The following DOCK5 variants were observed in gnomAD, a reference collection of about 807,000 sequenced individuals.
DOCK5 encodes dedicator of cytokinesis 5, also known as dedicator of cytokinesis protein 5.
DOCK5 carries 142 observed loss-of-function variants against 251.8 expected under a neutral mutation model. The observed-to-expected ratio is 0.56, with a 90% CI of 0.49 to 0.65. DOCK5 has a LOEUF of 0.65. Among genes scored for constraint, DOCK5 ranks in the 30% least tolerant of loss-of-function variants. The probability of loss-of-function intolerance (pLI) is 0.00; values close to 1 mark genes in which losing one functional copy is unlikely to be tolerated. For synonymous variants in DOCK5, 842 were observed against 835.5 expected, an observed-to-expected ratio of 1.01 and a Z score of -0.13; for missense variants, 2,111 against 2,312.3, an observed-to-expected ratio of 0.91 and a Z score of 1.79.
At chr8:25,299,406 G>A (rs988546033) in intron 8 of DOCK5, 3 of 273,134 alleles carry the variant, frequency 1.1e-5, no homozygotes, top group South Asian at 8.0e-5. Context: ...AATAGGCAGA[G>A]CACAGAGGAT....
At chr8:25,191,249 A>T (rs376135794) in intron 1 of DOCK5, among the ~76,000 whole-genome samples, 26 of 152,136 alleles carry the variant, frequency 1.7e-4, no homozygotes, top group Middle Eastern at 3.4e-3. Flanking sequence ...TTCTCTCGTT[A>T]GTGGAGTTTT....
intron 8 of DOCK5, chr8:25,299,394 T>A: frequency 3.3e-6 from 1 of 304,992 alleles, no homozygotes; most frequent in Non-Finnish European, 6.0e-6. Flanking sequence ...GAGAAAGGGA[T>A]GAATAGGCAG....
chr8:25,187,200 C>CA lies in DOCK5; in HGVS notation c.43+2259dup, dbSNP rs1232606220. Among the ~76,000 whole-genome samples the CA allele has an allele frequency of 8.9e-3, 1,207 of 135,960 alleles. 27 individuals carry two copies. Among genetic ancestry groups the CA allele is most frequent in the African/African-American group, 0.031 (1,118 of 36,604 alleles). 89.2% of individuals were successfully genotyped at this position (135,960 alleles called of 152,430 possible). A position where few individuals can be genotyped will look rare whatever the true frequency, so the allele number is the denominator to read the frequency against. Reference sequence around the variant, plus strand: ...TGGGTGATACTGTGAGACCCGATCTCAAAAAAAAAACTATATATACATATA... The same window carrying CA: ...TGGGTGATACTGTGAGACCCGATCTCAAAAAAAAAAACTATATATACATATA... On this transcript the variant is annotated intron_variant, in intron 1 of 51. Coordinates refer to ENST00000276440, the MANE Select transcript of DOCK5 (RefSeq NM_024940.8).
In DOCK5 at chr8:25,304,467, T is replaced by A. The variant is rs1804849934; in HGVS notation, c.1049+140T>A. 4.4e-6 allele frequency: 3 copies of A among 684,388 alleles called. No individual in the cohort carries two copies. The African/African-American group carries it at 5.6e-5, about 13-fold the overall frequency. 42.4% of individuals were successfully genotyped at this position (684,388 alleles called of 1,614,324 possible). A position where few individuals can be genotyped will look rare whatever the true frequency, so the allele number is the denominator to read the frequency against. Reference sequence around the variant, plus strand: ...AGCTGCAAGATTGTCAGATAGGAGCTGAACAGAAGACTTTATTCAAAGTCC... The same window carrying A: ...AGCTGCAAGATTGTCAGATAGGAGCAGAACAGAAGACTTTATTCAAAGTCC... On this transcript the variant is annotated intron_variant, in intron 11 of 51. Coordinates refer to ENST00000276440, the MANE Select transcript of DOCK5 (RefSeq NM_024940.8).
chr8:25,345,920 G>A (rs1430548441), intron 26 of DOCK5, among the ~76,000 whole-genome samples: 1 of 152,028 alleles, frequency 6.6e-6, no homozygotes, highest in Non-Finnish European at 1.5e-5. Context: ...CGCGATCTCG[G>A]CTCACTGCAA....
At chr8:25,195,530 C>T (rs1801701923) in intron 1 of DOCK5, among the ~76,000 whole-genome samples, 1 of 152,202 alleles carries the variant, frequency 6.6e-6, no homozygotes, top group Admixed American at 6.5e-5. Context: ...TCCCTCTTTC[C>T]CTTCTGCATT....
intron 22 of DOCK5, among the ~76,000 whole-genome samples, chr8:25,339,944 G>C (rs1282696859): frequency 1.3e-5 from 2 of 152,214 alleles, no homozygotes; most frequent in African/African-American, 4.8e-5. Flanking sequence ...TTAAATGTGA[G>C]ATACTCCAGC....
intron 2 of DOCK5, among the ~76,000 whole-genome samples, chr8:25,262,898 C>G (rs1803632500): frequency 6.7e-6 from 1 of 149,462 alleles, no homozygotes; most frequent in African/African-American, 2.6e-5. Context: ...CAGCTCACTG[C>G]AACCCCCACC....
intron 1 of DOCK5, among the ~76,000 whole-genome samples, chr8:25,189,133 A>G (rs556966198): frequency 7.5e-5 from 11 of 147,196 alleles, no homozygotes; most frequent in African/African-American, 2.8e-4. Flanking sequence ...GCAACCTGCC[A>G]TCTCAGCCTT....
At position 25,375,123 on chromosome 8, in the gene DOCK5, TTG is replaced by T. The variant is rs1238385595; in HGVS notation, c.3816+470_3816+471del. 11 of 486,754 alleles carry T rather than the reference TTG, an allele frequency of 2.3e-5. 1 individual carries two copies. The highest frequency in any genetic ancestry group is 1.7e-4 in the African/African-American group (8 of 47,250). The allele number at this position is 486,754 out of a possible 1,614,324, so 30.2% of individuals were successfully genotyped here. A position where few individuals can be genotyped will look rare whatever the true frequency, so the allele number is the denominator to read the frequency against. On this transcript the variant is annotated intron_variant, in intron 37 of 51. Transcript: ENST00000276440. ...CTAGCCCTGAGCACCTTCTCTAACT[TTG>T]GATTTACATATAAACTTTGATTGGC...
At chr8:25,401,895 A>T (rs1202941525) in intron 47 of DOCK5, among the ~76,000 whole-genome samples, 1 of 152,216 alleles carries the variant, frequency 6.6e-6, no homozygotes, top group East Asian at 1.9e-4. Flanking sequence ...TGAAGGGAAG[A>T]AGGAATTGTG....
At chr8:25,322,533 TATC>T (rs1454890275) in intron 16 of DOCK5, among the ~76,000 whole-genome samples, 1 of 152,210 alleles carries the variant, frequency 6.6e-6, no homozygotes, top group African/African-American at 2.4e-5. Context: ...AATGGCCAAA[TATC>T]AGCCATTTCA....
chr8:25,261,845 A>T (rs1021040418), intron 2 of DOCK5, among the ~76,000 whole-genome samples: 1 of 152,192 alleles, frequency 6.6e-6, no homozygotes, highest in Non-Finnish European at 1.5e-5. Flanking sequence ...ACTTCATATC[A>T]GTGGAATTAG....
At chr8:25,245,063 T>A (rs1803063158) in intron 2 of DOCK5, among the ~76,000 whole-genome samples, 1 of 152,210 alleles carries the variant, frequency 6.6e-6, no homozygotes, top group Non-Finnish European at 1.5e-5. Context: ...TTTATTTATT[T>A]ATTTATTTTT....
chr8:25,264,275 A>G (rs545410567), intron 2 of DOCK5, among the ~76,000 whole-genome samples: 1 of 151,528 alleles, frequency 6.6e-6, no homozygotes, highest in Admixed American at 6.6e-5. Flanking sequence ...TTGGGTGCTG[A>G]GGTGGGATCC....
At chr8:25,377,491 T>G in intron 38 of DOCK5, 67 bp downstream of exon 38, 1 of 1,536,004 alleles carries the variant, frequency 6.5e-7, no homozygotes, top group South Asian at 1.2e-5. Context: ...AATACAATTC[T>G]GATGCTCACC....
chr8:25,388,588 C>T (rs1012524089), intron 40 of DOCK5, among the ~76,000 whole-genome samples: 2 of 152,196 alleles, frequency 1.3e-5, no homozygotes, highest in African/African-American at 4.8e-5. Context: ...TGTTTCTGTG[C>T]CAGAAGACAC....
chr8:25,411,138 C>T, intron 51 of DOCK5, 56 bp from the exon 52 acceptor site: 1 of 1,450,106 alleles, frequency 6.9e-7, no homozygotes, highest in Non-Finnish European at 9.1e-7. Context: ...GAGGAGAAGG[C>T]AGAATTGGGA....
At chr8:25,331,083 C>T (rs1244332999) in intron 18 of DOCK5, among the ~76,000 whole-genome samples, 2 of 151,774 alleles carry the variant, frequency 1.3e-5, no homozygotes, top group Non-Finnish European at 2.9e-5. Flanking sequence ...CACCCCAGCC[C>T]GGGTGACAGA....
Sources: gnomAD v4.1 joint callset for allele counts (sites outside exome capture counted in the v4.1 genomes callset) on GRCh38, gnomAD v4.1.1 for gene constraint, MANE v1.5 for transcripts, NCBI Gene and HGNC (gene_info 2026-07-23, HGNC 2026-07-21) for gene names.